Variants in USH2A observed in about 807,000 individuals in gnomAD.
USH2A encodes Usher syndrome 2A (autosomal recessive, mild).
Under a neutral mutation model 538.9 loss-of-function variants are expected in USH2A, and 443 were observed. The ratio of observed to expected loss-of-function variants is 0.82; its 90% CI spans 0.76 to 0.89. The LOEUF is 0.89. USH2A is among the 40% of genes least tolerant of loss of function. USH2A has a pLI of 0.00. For missense variants in USH2A, 6,633 were observed against 6,324.8 expected, an observed-to-expected ratio of 1.05 and a Z score of -1.65; for synonymous variants, 2,413 against 2,273.5, an observed-to-expected ratio of 1.06 and a Z score of -1.75.
At chr1:216,359,480 C>T (rs1251551895) in intron 4 of USH2A, among the ~76,000 whole-genome samples, 3 of 151,990 alleles carry the variant, frequency 2.0e-5, no homozygotes, top group African/African-American at 7.2e-5. Flanking sequence ...AAGAAGCACA[C>T]CTGGGTTATA....
At chr1:215,640,844 C>CAAACCCAACCAACCCAAA (rs1656659804) in intron 67 of USH2A, 110 bp from the exon 68 acceptor site, 1 of 452,312 alleles carries the variant, frequency 2.2e-6, no homozygotes, top group Non-Finnish European at 3.4e-6. Context: ...CCAATCCAAA[C>CAAACCCAACCAACCCAAA]AAAAAAAAAA....
intron 58 of USH2A, among the ~76,000 whole-genome samples, chr1:215,755,257 A>C (rs1660755838): frequency 6.6e-6 from 1 of 152,192 alleles, no homozygotes; most frequent in Non-Finnish European, 1.5e-5. Flanking sequence ...TCTAATGCTC[A>C]TTCAGGTTTG....
At chr1:216,019,580 T>A (rs1327742016) in intron 32 of USH2A, among the ~76,000 whole-genome samples, 2 of 152,214 alleles carry the variant, frequency 1.3e-5, no homozygotes, top group East Asian at 3.9e-4. Context: ...TTATGTTAGA[T>A]GCTTTCTAAG....
chr1:216,156,112 C>T (rs2033931805), intron 21 of USH2A, among the ~76,000 whole-genome samples: 1 of 152,034 alleles, frequency 6.6e-6, no homozygotes, highest in South Asian at 2.1e-4. Context: ...ATTTCAGCCT[C>T]ACCATGCACC....
intron 11 of USH2A, among the ~76,000 whole-genome samples, chr1:216,261,780 G>GAA (rs2036378229): frequency 6.6e-6 from 1 of 152,066 alleles, no homozygotes; most frequent in East Asian, 1.9e-4. Flanking sequence ...CCCCCGGCCT[G>GAA]AGAAACAGCC....
At chr1:215,831,319 CA>C (rs1278121084) in intron 47 of USH2A, among the ~76,000 whole-genome samples, 1 of 152,106 alleles carries the variant, frequency 6.6e-6, no homozygotes, top group Non-Finnish European at 1.5e-5. Flanking sequence ...GGCAGAAAAT[CA>C]GTAAGTATAT....
chr1:216,068,571 A>G (rs1192638629), intron 30 of USH2A, among the ~76,000 whole-genome samples: 1 of 152,150 alleles, frequency 6.6e-6, no homozygotes. Flanking sequence ...GCCATACTCT[A>G]CTGCAGCAGA....
At chr1:215,725,310 G>A (rs1390783414) in intron 61 of USH2A, among the ~76,000 whole-genome samples, 1 of 152,178 alleles carries the variant, frequency 6.6e-6, no homozygotes, top group African/African-American at 2.4e-5. Flanking sequence ...GTCTGGCCTA[G>A]ATATCTTTTA....
At chr1:216,113,026 TC>T (rs1212410177) in intron 21 of USH2A, among the ~76,000 whole-genome samples, 1 of 151,858 alleles carries the variant, frequency 6.6e-6, no homozygotes, top group Admixed American at 6.6e-5. Flanking sequence ...AAGAATGTTT[TC>T]TTTCGTCTTT....
intron 21 of USH2A, among the ~76,000 whole-genome samples, chr1:216,104,961 A>G (rs1403986943): frequency 6.6e-6 from 1 of 152,206 alleles, no homozygotes; most frequent in South Asian, 2.1e-4. Context: ...ACAAATTTAC[A>G]AGAAAGAAAC....
chr1:216,131,517 C>T (rs189059810), intron 21 of USH2A, among the ~76,000 whole-genome samples: 89 of 152,098 alleles, frequency 5.9e-4, no homozygotes, highest in African/African-American at 2.1e-3. Context: ...TTTCATTCTC[C>T]TACAGTTAAA....
intron 21 of USH2A, among the ~76,000 whole-genome samples, chr1:216,149,296 A>G (rs569750138): frequency 6.6e-6 from 1 of 152,272 alleles, no homozygotes; most frequent in South Asian, 2.1e-4. Flanking sequence ...CCCTTCTGTC[A>G]GACATAATTC....
chr1:215,899,912 A>G (rs1241667244), intron 40 of USH2A, among the ~76,000 whole-genome samples, 163 bp downstream of exon 40: 2 of 152,144 alleles, frequency 1.3e-5, no homozygotes, highest in Non-Finnish European at 1.5e-5. Flanking sequence ...TTCTTTCTGG[A>G]GAGACTGACC....
At position 216,190,363 on chromosome 1, in the gene USH2A, A is replaced by C; in HGVS notation, c.4256T>G (p.Leu1419Trp). 6.2e-7 allele frequency: 1 copy of C among 1,611,552 alleles called. No homozygotes were observed. Among genetic ancestry groups the C allele is most frequent in the Non-Finnish European group, 8.5e-7 (1 of 1,178,662 alleles). The change falls in exon 20 of 72, where the codon TTG becomes TGG. Residue 1419 changes from leucine (L) to tryptophan (W), a missense_variant. Transcript: ENST00000307340. ...QSIPMAFSQL[L>W]HTAKSQELSY... is the part of the protein sequence containing the mutation. ...TAGTTCTTGGGATTTAGCAGTGTGC[A>C]ACAGCTTCAAGGCAAAAAAGAAAGA...
At position 216,040,642 on chromosome 1, in the gene USH2A, A is replaced by T. The variant is rs377394527; in HGVS notation, c.6325+5789T>A. Among the ~76,000 whole-genome samples, 4 of 152,132 alleles carry T rather than the reference A, an allele frequency of 2.6e-5. No homozygotes were observed. The South Asian group carries it at 6.2e-4, about 24-fold the overall frequency. On this transcript the variant is annotated intron_variant, in intron 32 of 71. Transcript: ENST00000307340. ...TGCTGTCCAGCCTGAACTTTGAAAC[A>T]ATCCTGGTATGTTGAACAGTCTCAT...
chr1:215,763,005 A>C (rs1323179374), intron 56 of USH2A, among the ~76,000 whole-genome samples: 1 of 152,190 alleles, frequency 6.6e-6, no homozygotes, highest in Non-Finnish European at 1.5e-5. Context: ...ATTCCAATTC[A>C]AAATTCCCAG....
chr1:215,889,770 G>A (rs572206214), intron 40 of USH2A, among the ~76,000 whole-genome samples: 1 of 152,158 alleles, frequency 6.6e-6, no homozygotes, highest in African/African-American at 2.4e-5. Context: ...ACTGAAAAAG[G>A]CCCACCATAT....
chr1:216,018,748 T>G (rs1668776338), intron 32 of USH2A, among the ~76,000 whole-genome samples: 2 of 152,170 alleles, frequency 1.3e-5, no homozygotes, highest in African/African-American at 4.8e-5. Context: ...TGGAAAAATC[T>G]AATTTTAAAA....
chr1:215,929,783 C>A lies in USH2A; in HGVS notation c.7300+4833G>T, dbSNP rs1025650231. The stretch of plus-strand genomic sequence containing the variant: ...ATATCTGCAGATTTGCTCATAGTCA[C>A]TCAAGCAGTGAGTGAAAGAGGTGGA... On this transcript the variant is annotated intron_variant, in intron 38 of 71. Transcript: ENST00000307340. Among the ~76,000 whole-genome samples the A allele has an allele frequency of 1.3e-5, 2 of 152,072 alleles. 1 individual carries two copies. The highest frequency in any genetic ancestry group is 1.3e-4 in the Admixed American group (2 of 15,236).
Sources: gnomAD v4.1 joint callset for allele counts (sites outside exome capture counted in the v4.1 genomes callset) on GRCh38, gnomAD v4.1.1 for gene constraint, MANE v1.5 for transcripts, NCBI Gene and HGNC (gene_info 2026-07-23, HGNC 2026-07-21) for gene names.